Variants in CACNA1A observed in about 807,000 individuals in gnomAD.
The protein encoded by CACNA1A is calcium voltage-gated channel subunit alpha1 A.
In CACNA1A, 57 loss-of-function variants were observed where a neutral mutation model predicts 262.4. The observed-to-expected ratio is 0.22, with a 90% CI of 0.18 to 0.27. The LOEUF (loss-of-function observed/expected upper bound fraction) is 0.27, where lower values mean the gene tolerates loss of function less well. Ranked by LOEUF, CACNA1A falls within the 10% of genes least tolerant of loss-of-function variation. The pLI, the probability that CACNA1A is intolerant of heterozygous loss-of-function variation, is 1.00. For missense variants in CACNA1A, 2,526 were observed against 3,562.8 expected (o/e 0.71, Z 7.41); for synonymous variants, 1,431 against 1,419.3 (o/e 1.01, Z -0.18).
intron 1 of CACNA1A, among the ~76,000 whole-genome samples, chr19:13,479,246 T>G (rs1297903973): frequency 6.6e-6 from 1 of 152,086 alleles, no homozygotes; most frequent in Non-Finnish European, 1.5e-5. Flanking sequence ...GGGTGACAGA[T>G]AGCAGACAGA....
At chr19:13,419,727 G>T (rs559124018) in intron 3 of CACNA1A, among the ~76,000 whole-genome samples, 1 of 152,028 alleles carries the variant, frequency 6.6e-6, no homozygotes, top group Non-Finnish European at 1.5e-5. Context: ...AAGATCTGTA[G>T]ATTTTGTTAT....
Position 13,397,773 on chromosome 19 carries a change from A to G in CACNA1A, c.540-25994T>C, listed in dbSNP as rs116829260. Among the ~76,000 whole-genome samples, 1,422 of 152,310 alleles carry G rather than the reference A, an allele frequency of 9.3e-3. 22 individuals are homozygous for G. Among genetic ancestry groups the G allele is most frequent in the African/African-American group, 0.031 (1,295 of 41,544 alleles). On this transcript the variant is annotated intron_variant, in intron 3 of 46. Coordinates refer to ENST00000360228, the MANE Select transcript of CACNA1A (RefSeq NM_001127222.2). ...AGCCAGTGGGAGGTAGATGGAAGTC[A>G]TATGGACTACTTCTGGGTCTGTCCC...
chr19:13,288,776 A>C (rs1002134749), intron 19 of CACNA1A, among the ~76,000 whole-genome samples: 8 of 152,180 alleles, frequency 5.3e-5, no homozygotes, highest in Non-Finnish European at 1.2e-4. Context: ...ATCTATCTAG[A>C]AAGAATAAAT....
intron 3 of CACNA1A, among the ~76,000 whole-genome samples, chr19:13,413,769 T>G (rs943001017): frequency 2.7e-5 from 4 of 149,918 alleles, no homozygotes; most frequent in Admixed American, 1.3e-4. Context: ...TAATCTCAGC[T>G]ACTCGGGAGG....
At chr19:13,465,092 C>T (rs955941078) in intron 1 of CACNA1A, among the ~76,000 whole-genome samples, 1 of 152,040 alleles carries the variant, frequency 6.6e-6, no homozygotes, top group Non-Finnish European at 1.5e-5. Context: ...CCATACCTGG[C>T]TAATTTTTTG....
intron 43 of CACNA1A, 73 bp from the exon 44 acceptor site, chr19:13,210,725 A>C: frequency 2.1e-6 from 3 of 1,462,314 alleles, no homozygotes. Flanking sequence ...GGCAAGAGGG[A>C]GAGTGAGGAG....
At chr19:13,465,387 C>CA (rs919880937) in intron 1 of CACNA1A, among the ~76,000 whole-genome samples, 1 of 151,814 alleles carries the variant, frequency 6.6e-6, no homozygotes, top group African/African-American at 2.4e-5. Context: ...TAAATGTTGC[C>CA]AAAAAAAATC....
chr19:13,346,625 T>A (rs2058769339), intron 6 of CACNA1A, among the ~76,000 whole-genome samples: 1 of 3,712 alleles, frequency 2.7e-4, no homozygotes, highest in Non-Finnish European at 4.7e-4. Flanking sequence ...ATTATATATA[T>A]ATATATATAT....
intron 25 of CACNA1A, chr19:13,261,906 C>A: frequency 3.4e-6 from 1 of 296,984 alleles, no homozygotes; most frequent in Non-Finnish European, 6.4e-6. Context: ...TCCTTTCCAA[C>A]TCTCTCAATC....
chr19:13,255,312 G>A, intron 28 of CACNA1A, 53 bp from the exon 29 acceptor site: 2 of 1,497,634 alleles, frequency 1.3e-6, no homozygotes, highest in South Asian at 1.3e-5. Flanking sequence ...GAAGGTGGCT[G>A]TACACCGGGC....
chr19:13,402,345 G>T (rs1415458831), intron 3 of CACNA1A, among the ~76,000 whole-genome samples: 1 of 152,134 alleles, frequency 6.6e-6, no homozygotes, highest in Non-Finnish European at 1.5e-5. Flanking sequence ...AAGAATGTGG[G>T]TGAGTAAAAT....
chr19:13,262,697 G>A (rs759982373), intron 25 of CACNA1A, 37 bp downstream of exon 25: 4 of 1,296,650 alleles, frequency 3.1e-6, no homozygotes, highest in Admixed American at 1.8e-5. Flanking sequence ...AACCCTGACA[G>A]TCCCCCCCAC....
chr19:13,503,171 G>A (rs1409224369), intron 1 of CACNA1A, among the ~76,000 whole-genome samples: 2 of 152,128 alleles, frequency 1.3e-5, no homozygotes, highest in Non-Finnish European at 2.9e-5. Flanking sequence ...ATACACAGAT[G>A]TGAGCAAAAG....
intron 26 of CACNA1A, chr19:13,260,778 A>G (rs2056715997): frequency 6.6e-6 from 1 of 152,030 alleles, no homozygotes; most frequent in Non-Finnish European, 1.5e-5. Flanking sequence ...CCTCCCGGGT[A>G]GCTGGGACTA....
At chr19:13,342,741 C>G (rs1053633837) in intron 6 of CACNA1A, among the ~76,000 whole-genome samples, 1 of 152,142 alleles carries the variant, frequency 6.6e-6, no homozygotes, top group Non-Finnish European at 1.5e-5. Context: ...TGGCAATGTT[C>G]TAGGTGATTA....
chr19:13,306,759 G>A (rs977864745), intron 15 of CACNA1A, among the ~76,000 whole-genome samples: 9 of 152,050 alleles, frequency 5.9e-5, no homozygotes, highest in Admixed American at 1.3e-4. Flanking sequence ...AGACAAGTAG[G>A]AACAGCTCCT....
In CACNA1A at chr19:13,243,218, G is replaced by A. The variant is rs77935061; in HGVS notation, c.4950+1964C>T. On this transcript the variant is annotated intron_variant, in intron 31 of 46. Coordinates refer to ENST00000360228, the MANE Select transcript of CACNA1A (RefSeq NM_001127222.2). ...AGGTGGGGGCACCCCAGTGGAGAGA[G>A]CCCCCATGTGGGCAAGAACCCTCTA... Among the ~76,000 whole-genome samples, 1,507 of 152,318 alleles carry A rather than the reference G, an allele frequency of 9.9e-3. 32 individuals are homozygous for A. Among genetic ancestry groups the A allele is most frequent in the East Asian group, 0.071 (368 of 5,178 alleles).
Position 13,505,504 on chromosome 19 carries a change from G to A in CACNA1A, c.293+428C>T, listed in dbSNP as rs763008721. Among the ~76,000 whole-genome samples, 360 of 152,220 alleles carry A rather than the reference G, an allele frequency of 2.4e-3. 6 individuals carry two copies. The highest frequency in any genetic ancestry group is 9.9e-4 in the Non-Finnish European group (67 of 68,006). On this transcript the variant is annotated intron_variant, in intron 1 of 46. Coordinates refer to ENST00000360228, the MANE Select transcript of CACNA1A (RefSeq NM_001127222.2). ...GTGGACTCCAGTGAGCGACGGCCAA[G>A]AAAACCCAACCAAGGCCCCCATAGT...
chr19:13,305,844 G>C (rs937983984), intron 15 of CACNA1A, among the ~76,000 whole-genome samples: 1 of 152,078 alleles, frequency 6.6e-6, no homozygotes, highest in Non-Finnish European at 1.5e-5. Flanking sequence ...GGCAGATCAC[G>C]AGGCCAGGAG....
Sources: allele counts gnomAD v4.1 joint callset (sites outside exome capture counted in the v4.1 genomes callset), GRCh38; gene constraint gnomAD v4.1.1; transcripts MANE v1.5; gene names NCBI Gene and HGNC (gene_info 2026-07-23, HGNC 2026-07-21).